Variants in ZFAND6 observed in about 807,000 individuals in gnomAD.
The protein encoded by ZFAND6 is zinc finger AN1-type containing 6, also known as AN1-type zinc finger protein 6.
ZFAND6 carries 12 observed loss-of-function variants against 24.5 expected under a neutral mutation model. The ratio of observed to expected loss-of-function variants is 0.49; its 90% CI spans 0.31 to 0.79. ZFAND6 has a LOEUF of 0.79. Ranked by LOEUF, ZFAND6 falls within the 30% of genes least tolerant of loss-of-function variation. ZFAND6 has a pLI of 0.04. For missense variants in ZFAND6, 207 were observed against 245.9 expected, an observed-to-expected ratio of 0.84 and a Z score of 1.06; for synonymous variants, 92 against 81.5, an observed-to-expected ratio of 1.13 and a Z score of -0.69.
intron 1 of ZFAND6, among the ~76,000 whole-genome samples, chr15:80,094,322 C>T (rs1302776192): frequency 6.6e-6 from 1 of 152,048 alleles, no homozygotes; most frequent in African/African-American, 2.4e-5. Flanking sequence ...CGCCTCCTGT[C>T]AGATCAGCAA....
chr15:80,063,080 T>C (rs2036421353), intron 1 of ZFAND6, among the ~76,000 whole-genome samples: 1 of 152,186 alleles, frequency 6.6e-6, no homozygotes, highest in Non-Finnish European at 1.5e-5. Context: ...CCCAGTAGCT[T>C]TTCAATATAC....
chr15:80,126,266 G>A lies in ZFAND6; in HGVS notation c.364+3466G>A, dbSNP rs563730286. The stretch of plus-strand genomic sequence containing the variant: ...GGACAGTCTCTTTGGACTGATTTAG[G>A]AAAGCTGTATGGGTTTTAAAAATCA... On this transcript the variant is annotated intron_variant, in intron 5 of 6. Transcript: ENST00000261749. Among the ~76,000 whole-genome samples, 8 of 152,296 alleles carry A rather than the reference G, an allele frequency of 5.3e-5. No individual in the cohort carries two copies. In the East Asian group the frequency reaches 1.5e-3, roughly 29 times the overall value.
intron 1 of ZFAND6, among the ~76,000 whole-genome samples, chr15:80,066,429 C>T (rs958210318): frequency 1.3e-5 from 2 of 152,136 alleles, no homozygotes; most frequent in African/African-American, 4.8e-5. Context: ...TCTCCTGCCT[C>T]AGCCTCCTGA....
chr15:80,094,666 T>G (rs1021730842), intron 1 of ZFAND6, among the ~76,000 whole-genome samples: 2 of 152,210 alleles, frequency 1.3e-5, no homozygotes, highest in African/African-American at 4.8e-5. Flanking sequence ...TTTCAATGTA[T>G]AGTTTTAACA....
intron 5 of ZFAND6, among the ~76,000 whole-genome samples, chr15:80,125,647 A>T (rs1312843734): frequency 6.6e-6 from 1 of 152,232 alleles, no homozygotes; most frequent in East Asian, 1.9e-4. Flanking sequence ...ACTCAGGAGT[A>T]TAAGTCAAAT....
At chr15:80,099,224 C>T (rs1193381665) in intron 2 of ZFAND6, among the ~76,000 whole-genome samples, 1 of 151,892 alleles carries the variant, frequency 6.6e-6, no homozygotes, top group Non-Finnish European at 1.5e-5. Context: ...AAGTTAACAC[C>T]TTAAGAATCT....
At chr15:80,073,180 A>C (rs2037072636) in intron 1 of ZFAND6, 1 of 178,332 alleles carries the variant, frequency 5.6e-6, no homozygotes, top group Non-Finnish European at 1.2e-5. Flanking sequence ...ATAATTTTTA[A>C]TATGCTCATA....
intron 1 of ZFAND6, among the ~76,000 whole-genome samples, chr15:80,063,073 A>G (rs1381313033): frequency 6.6e-6 from 1 of 152,182 alleles, no homozygotes; most frequent in East Asian, 1.9e-4. Flanking sequence ...AAAACCTCCC[A>G]GTAGCTTTTC....
chr15:80,110,996 A>G (rs575252836), intron 2 of ZFAND6, among the ~76,000 whole-genome samples: 2 of 152,294 alleles, frequency 1.3e-5, no homozygotes, highest in Admixed American at 6.5e-5. Context: ...TAGATGTTCT[A>G]TTATCTAAAA....
At chr15:80,076,011 A>T (rs2037253280) in intron 1 of ZFAND6, among the ~76,000 whole-genome samples, 1 of 152,014 alleles carries the variant, frequency 6.6e-6, no homozygotes, top group East Asian at 1.9e-4. Context: ...CATTATTTTC[A>T]TGATACTGTC....
chr15:80,097,411 G>A (rs1238500994), intron 1 of ZFAND6, among the ~76,000 whole-genome samples: 1 of 152,118 alleles, frequency 6.6e-6, no homozygotes, highest in Non-Finnish European at 1.5e-5. Flanking sequence ...ACTTTGGGAA[G>A]CCAAGGCAGG....
chr15:80,135,823 A>T (rs936042606), intron 6 of ZFAND6, among the ~76,000 whole-genome samples: 4 of 151,970 alleles, frequency 2.6e-5, no homozygotes, highest in African/African-American at 9.7e-5. Context: ...TAGCACATGT[A>T]CATTTAAAGA....
At chr15:80,102,763 A>G (rs2039102346) in intron 2 of ZFAND6, among the ~76,000 whole-genome samples, 1 of 152,170 alleles carries the variant, frequency 6.6e-6, no homozygotes, top group Non-Finnish European at 1.5e-5. Flanking sequence ...TGTGCTTAGA[A>G]ATAGTGTAGG....
At chr15:80,061,587 T>C (rs2036337576) in intron 1 of ZFAND6, among the ~76,000 whole-genome samples, 1 of 152,236 alleles carries the variant, frequency 6.6e-6, no homozygotes, top group Non-Finnish European at 1.5e-5. Context: ...GCCGAAACTG[T>C]GTGGCATTTA....
intron 2 of ZFAND6, among the ~76,000 whole-genome samples, chr15:80,117,850 C>T (rs2039953355): frequency 1.3e-5 from 2 of 151,940 alleles, no homozygotes; most frequent in East Asian, 1.9e-4. Flanking sequence ...ATTTTTTTCC[C>T]CCACAATTGC....
chr15:80,081,462 A>G (rs1399659880), intron 1 of ZFAND6, among the ~76,000 whole-genome samples: 1 of 152,252 alleles, frequency 6.6e-6, no homozygotes, highest in African/African-American at 2.4e-5. Context: ...TCCCAGAACC[A>G]GAACAGTTCA....
At chr15:80,094,783 G>T (rs11072879) in intron 1 of ZFAND6, among the ~76,000 whole-genome samples, 102,816 of 151,684 alleles carry the variant, frequency 0.68, 35,221 homozygotes, top group Admixed American at 0.78. Flanking sequence ...TCCCATTAAT[G>T]TTTTTTTTCT....
intron 1 of ZFAND6, among the ~76,000 whole-genome samples, chr15:80,070,404 T>G (rs532565655): frequency 3.3e-5 from 5 of 152,246 alleles, no homozygotes; most frequent in Non-Finnish European, 5.9e-5. Context: ...AGAAGCAATA[T>G]TGTTTTCATA....
chr15:80,090,149 C>T lies in ZFAND6; in HGVS notation c.-180-8267C>T, dbSNP rs368169932. On this transcript the variant is annotated intron_variant, in intron 1 of 6. Transcript: ENST00000261749. ...ATACTGCTCAGAAACTTTTTCATTTCAGCTTACGTAGCTATTAAGTAGTAA... is the reference window on the plus strand; with the variant it reads ...ATACTGCTCAGAAACTTTTTCATTTTAGCTTACGTAGCTATTAAGTAGTAA... 2.0e-5 allele frequency among the ~76,000 whole-genome samples: 3 copies of T among 152,292 alleles called. No homozygotes were observed. In the South Asian group the frequency reaches 6.2e-4, roughly 32 times the overall value.
Sources: gnomAD v4.1 joint callset for allele counts (sites outside exome capture counted in the v4.1 genomes callset) on GRCh38, gnomAD v4.1.1 for gene constraint, MANE v1.5 for transcripts, NCBI Gene and HGNC (gene_info 2026-07-23, HGNC 2026-07-21) for gene names.